NIPSNAP3B: variants seen among roughly 807,000 people sequenced by gnomAD.
NIPSNAP3B encodes the protein protein NipSnap homolog 3B.
Under a neutral mutation model 31.5 loss-of-function variants are expected in NIPSNAP3B, and 30 were observed. The observed-to-expected ratio is 0.95, with a 90% CI of 0.71 to 1.29. NIPSNAP3B has a LOEUF of 1.29. Ranked by LOEUF, NIPSNAP3B falls within the 50% of genes most tolerant of loss-of-function variation. The pLI, the probability that NIPSNAP3B is intolerant of heterozygous loss-of-function variation, is 0.00. For synonymous variants in NIPSNAP3B, 106 were observed against 107.9 expected, an observed-to-expected ratio of 0.98 and a Z score of 0.11; for missense variants, 269 against 300.7, an observed-to-expected ratio of 0.89 and a Z score of 0.78.
At chr9:104,782,933 C>T in the NIPSNAP3B span, 2 of 152,012 alleles carry the variant, frequency 1.3e-5, no homozygotes, top group African/African-American at 4.9e-5. Flanking sequence ...AACCAGTGAG[C>T]TGAATAACAT....
downstream of NIPSNAP3B, chr9:104,782,445 T>C (rs1489436722): frequency 2.0e-5 from 3 of 152,200 alleles, no homozygotes; most frequent in African/African-American, 7.2e-5. Flanking sequence ...AAGTTAGTAA[T>C]GATATTGAAA....
chr9:104,764,352 C>A, intron 1 of NIPSNAP3B, 52 bp downstream of exon 1: 2 of 1,447,800 alleles, frequency 1.4e-6, no homozygotes, highest in South Asian at 1.3e-5. Context: ...AGGGGAGGGG[C>A]GGGGGGTATT....
At chr9:104,769,126 T>A in intron 3 of NIPSNAP3B, 105 bp downstream of exon 3, 5 of 797,562 alleles carry the variant, frequency 6.3e-6, no homozygotes, top group South Asian at 2.9e-5. Context: ...AATTCTTTGT[T>A]TTATATAATA....
At chr9:104,783,301 T>C in the NIPSNAP3B span, 1 of 152,240 alleles carries the variant, frequency 6.6e-6, no homozygotes, top group Non-Finnish European at 1.5e-5. Context: ...TTTGTCAAAA[T>C]ACAACTCCAT....
At chr9:104,786,175 C>T in the NIPSNAP3B span, 1 of 829,196 alleles carries the variant, frequency 1.2e-6, no homozygotes, top group Admixed American at 2.0e-5. Context: ...CTCATTCTTT[C>T]CACTATACTG....
At chr9:104,779,215 C>CTT (rs1188281596), downstream of NIPSNAP3B, among the ~76,000 whole-genome samples, 1 of 152,134 alleles carries the variant, frequency 6.6e-6, no homozygotes, top group Non-Finnish European at 1.5e-5. Flanking sequence ...TTATTTTCTT[C>CTT]TTAGCACCCA....
chr9:104,790,501 T>C, the NIPSNAP3B span, among the ~76,000 whole-genome samples: 1 of 152,194 alleles, frequency 6.6e-6, no homozygotes, highest in Non-Finnish European at 1.5e-5. Flanking sequence ...CAATAAAAAC[T>C]AATTTTAAAT....
intron 1 of NIPSNAP3B, 68 bp from the exon 2 acceptor site, chr9:104,766,257 G>C: frequency 7.7e-7 from 1 of 1,299,796 alleles, no homozygotes; most frequent in Non-Finnish European, 1.1e-6. Flanking sequence ...ACCAGACTCA[G>C]ATTTGGTTGT....
intron 3 of NIPSNAP3B, among the ~76,000 whole-genome samples, 167 bp from the exon 4 acceptor site, chr9:104,770,678 CATAA>C (rs1828196123): frequency 6.6e-6 from 1 of 152,040 alleles, no homozygotes; most frequent in African/African-American, 2.4e-5. Context: ...ACTTTCTAAA[CATAA>C]AAGCAAAGAA....
chr9:104,764,572 C>T (rs868459371), intron 1 of NIPSNAP3B, among the ~76,000 whole-genome samples: 14 of 152,318 alleles, frequency 9.2e-5, no homozygotes, highest in Middle Eastern at 3.4e-3. Context: ...CGGAGTCTCG[C>T]TCTGTCGCCC....
downstream of NIPSNAP3B, among the ~76,000 whole-genome samples, chr9:104,779,711 A>AGAT (rs1358413845): frequency 2.6e-5 from 4 of 151,884 alleles, no homozygotes; most frequent in South Asian, 6.2e-4. Context: ...GCTTTTCTAC[A>AGAT]GATAGAAGAA....
chr9:104,788,471 C>T, the NIPSNAP3B span: 1 of 1,614,192 alleles, frequency 6.2e-7, no homozygotes, highest in Admixed American at 1.7e-5. Flanking sequence ...GGGCAAAGAA[C>T]TCCACGTGTT....
downstream of NIPSNAP3B, among the ~76,000 whole-genome samples, chr9:104,777,900 G>T (rs528040327): frequency 1.3e-5 from 2 of 152,280 alleles, no homozygotes; most frequent in East Asian, 3.9e-4. Context: ...ATGCTGAAAT[G>T]ACTCTTAGGA....
chr9:104,780,954 T>G (rs1390283265), downstream of NIPSNAP3B: 1 of 152,664 alleles, frequency 6.6e-6, no homozygotes, highest in Non-Finnish European at 1.5e-5. Context: ...TTCTAATGGC[T>G]TTATAACCCT....
At chr9:104,783,993 C>CAAA in the NIPSNAP3B span, 27 of 135,144 alleles carry the variant, frequency 2.0e-4, no homozygotes, top group East Asian at 2.9e-4. Flanking sequence ...TACACAGGAA[C>CAAA]AAAAAAAAAA....
chr9:104,788,175 A>G, the NIPSNAP3B span: 50 of 1,266,184 alleles, frequency 3.9e-5, 1 homozygote, highest in African/African-American at 6.2e-4. Context: ...TCATAACCTG[A>G]CAACTGGTGA....
chr9:104,787,571 G>A, the NIPSNAP3B span, among the ~76,000 whole-genome samples: 1 of 152,180 alleles, frequency 6.6e-6, no homozygotes, highest in Non-Finnish European at 1.5e-5. Context: ...TGACCTAGTT[G>A]CTACCTTGGG....
Position 104,776,403 on chromosome 9 carries a change from A to C in NIPSNAP3B, c.*3330A>C, listed in dbSNP as rs199513164. ...AGAGACTGAATGTTTTTGTCCCCCC[A>C]AAATTCCTATGTTGAAGCCTTAATC... On this transcript the variant is annotated 3_prime_UTR_variant, in exon 6 of 6. Transcript: ENST00000374762. Among the ~76,000 whole-genome samples, 3 of 141,452 alleles carry C rather than the reference A, an allele frequency of 2.1e-5. No homozygotes were observed. In the Admixed American group the frequency reaches 2.2e-4, roughly 10 times the overall value. The allele number at this position is 141,452 out of a possible 152,430, so 92.8% of individuals were successfully genotyped here. A position where few individuals can be genotyped will look rare whatever the true frequency, so the allele number is the denominator to read the frequency against.
chr9:104,788,358 A>G, the NIPSNAP3B span: 321,979 of 1,607,020 alleles, frequency 0.2, 38,092 homozygotes, highest in East Asian at 0.64. Context: ...ATGCGTGTGG[A>G]AAAGCCATAA....
Sources: allele counts gnomAD v4.1 joint callset (sites outside exome capture counted in the v4.1 genomes callset), GRCh38; gene constraint gnomAD v4.1.1; transcripts MANE v1.5; gene names NCBI Gene and HGNC (gene_info 2026-07-23, HGNC 2026-07-21).